SRBD1: variants seen among roughly 807,000 people sequenced by gnomAD.
SRBD1 encodes S1 RNA-binding domain-containing protein 1.
SRBD1 carries 88 observed loss-of-function variants against 115.3 expected under a neutral mutation model. The observed-to-expected ratio is 0.76, with a 90% CI of 0.64 to 0.91. The LOEUF is 0.91. Ranked by LOEUF, SRBD1 falls within the 40% of genes least tolerant of loss-of-function variation. The probability of loss-of-function intolerance (pLI) is 0.00; values close to 1 mark genes in which losing one functional copy is unlikely to be tolerated. For synonymous variants in SRBD1, 509 were observed against 407.7 expected (o/e 1.25, Z -2.99); for missense variants, 1,385 against 1,177.4 (o/e 1.18, Z -2.58).
intron 12 of SRBD1, 29 bp downstream of exon 12, chr2:45,551,096 T>G (rs772529539): frequency 6.4e-7 from 1 of 1,567,454 alleles, no homozygotes; most frequent in Non-Finnish European, 8.6e-7. Context: ...CCAAACAACT[T>G]TTACATGGAA....
chr2:45,462,277 A>G (rs1197914237), intron 16 of SRBD1, among the ~76,000 whole-genome samples: 1 of 152,166 alleles, frequency 6.6e-6, no homozygotes, highest in African/African-American at 2.4e-5. Flanking sequence ...TGTTTTAATA[A>G]AAGTAATAAA....
At chr2:45,422,645 T>C (rs758712298) in intron 16 of SRBD1, among the ~76,000 whole-genome samples, 7 of 152,172 alleles carry the variant, frequency 4.6e-5, no homozygotes, top group Non-Finnish European at 1.0e-4. Flanking sequence ...GATAACTCAT[T>C]TGATCTTCTG....
chr2:45,407,957 T>A (rs1171406714), intron 19 of SRBD1, among the ~76,000 whole-genome samples: 1 of 152,088 alleles, frequency 6.6e-6, no homozygotes, highest in Non-Finnish European at 1.5e-5. Flanking sequence ...AATATCATAA[T>A]CTCAATTTTC....
chr2:45,477,310 G>A (rs1180291612), intron 15 of SRBD1, among the ~76,000 whole-genome samples: 1 of 152,062 alleles, frequency 6.6e-6, no homozygotes, highest in South Asian at 2.1e-4. Flanking sequence ...ACACAAAGTA[G>A]TTTGACAGGA....
intron 20 of SRBD1, among the ~76,000 whole-genome samples, chr2:45,391,964 A>C (rs1189147481): frequency 6.6e-6 from 1 of 152,188 alleles, no homozygotes; most frequent in Non-Finnish European, 1.5e-5. Context: ...CTCCTGCTAA[A>C]AACCAGCCCA....
intron 16 of SRBD1, among the ~76,000 whole-genome samples, chr2:45,437,357 T>TAAAA (rs144108756): frequency 3.0e-4 from 40 of 133,970 alleles, no homozygotes; most frequent in African/African-American, 1.1e-3. Flanking sequence ...AGTATTGGTT[T>TAAAA]AAAAAAAAAA....
Position 45,449,964 on chromosome 2 carries a change from G to T in SRBD1, c.2049+27029C>A, listed in dbSNP as rs571554542. On this transcript the variant is annotated intron_variant, in intron 16 of 20. Coordinates refer to ENST00000263736, the MANE Select transcript of SRBD1 (RefSeq NM_018079.5). ...GTATGTCACAGCCCTCTCTCTTAAGGCAGGTGAAACCAGGTATCACATACA... is the reference window on the plus strand; with the variant it reads ...GTATGTCACAGCCCTCTCTCTTAAGTCAGGTGAAACCAGGTATCACATACA... Among the ~76,000 whole-genome samples, 37 of 152,210 alleles carry T rather than the reference G, an allele frequency of 2.4e-4. No homozygotes were observed. The East Asian group carries it at 5.6e-3, about 23-fold the overall frequency.
intron 14 of SRBD1, among the ~76,000 whole-genome samples, chr2:45,518,962 G>T (rs1413593405): frequency 2.9e-5 from 4 of 136,544 alleles, no homozygotes; most frequent in Non-Finnish European, 6.2e-5. Context: ...AACGAATAAG[G>T]CTAAAAAAAA....
chr2:45,541,557 C>T (rs1005230936), intron 14 of SRBD1, among the ~76,000 whole-genome samples: 2 of 152,254 alleles, frequency 1.3e-5, no homozygotes, highest in African/African-American at 4.8e-5. Flanking sequence ...GAACAGCTCT[C>T]AGAAGACCCA....
At chr2:45,441,794 C>T (rs190986672) in intron 16 of SRBD1, among the ~76,000 whole-genome samples, 1 of 152,252 alleles carries the variant, frequency 6.6e-6, no homozygotes, top group Admixed American at 6.5e-5. Flanking sequence ...ATTATAGAAA[C>T]GCTTTCTTAG....
At chr2:45,537,683 G>A (rs1671807021) in intron 14 of SRBD1, among the ~76,000 whole-genome samples, 3 of 152,112 alleles carry the variant, frequency 2.0e-5, no homozygotes, top group Non-Finnish European at 4.4e-5. Flanking sequence ...AGATGATTGG[G>A]ATGCTATGCC....
chr2:45,481,304 C>A (rs935605683), intron 15 of SRBD1, among the ~76,000 whole-genome samples: 1 of 151,974 alleles, frequency 6.6e-6, no homozygotes, highest in Non-Finnish European at 1.5e-5. Context: ...ATCAAGAATG[C>A]GTTATTTAGT....
At chr2:45,486,721 A>AC (rs1326225001) in intron 15 of SRBD1, among the ~76,000 whole-genome samples, 1 of 151,392 alleles carries the variant, frequency 6.6e-6, no homozygotes, top group Non-Finnish European at 1.5e-5. Flanking sequence ...TGACAGCGAG[A>AC]CCCCATCTCA....
intron 16 of SRBD1, among the ~76,000 whole-genome samples, chr2:45,473,669 G>A (rs1284654947): frequency 6.6e-6 from 1 of 151,888 alleles, no homozygotes; most frequent in Admixed American, 6.6e-5. Flanking sequence ...TCAATAATAG[G>A]ACTGTTGTCA....
At chr2:45,596,950 ACCCACAACCCTAACACACACACC>A (rs1488296948) in intron 4 of SRBD1, among the ~76,000 whole-genome samples, 5 of 145,640 alleles carry the variant, frequency 3.4e-5, no homozygotes, top group African/African-American at 7.7e-5. Flanking sequence ...ACACACACAC[ACCCACAACCCTAACACACACACC>A]CACACCCACA....
In SRBD1 at chr2:45,585,630, G is replaced by T; in HGVS notation, c.793C>A (p.Gln265Lys). The T allele has an allele frequency of 6.2e-7, 1 of 1,610,732 alleles. No individual in the cohort carries two copies. Among genetic ancestry groups the T allele is most frequent in the South Asian group, 1.1e-5 (1 of 90,334 alleles). The change falls in exon 5 of 21, where the codon CAG (glutamine) becomes AAG (lysine). Residue 265 changes from glutamine (Q) to lysine (K), a missense_variant. Gln to Lys is a moderately conservative substitution (Grantham distance 53). Coordinates refer to ENST00000263736, the MANE Select transcript of SRBD1 (RefSeq NM_018079.5). The stretch of plus-strand genomic sequence containing the variant: ...TACCGTAGCTCTTCTAGGGTTTGCT[G>T]AACTTCTCTCAAGGAATCAGCATCA... ...NLDADSLREV[Q>K]QTLEELRAVA...
At chr2:45,450,532 T>C (rs1284717026) in intron 16 of SRBD1, among the ~76,000 whole-genome samples, 2 of 152,206 alleles carry the variant, frequency 1.3e-5, no homozygotes, top group Admixed American at 6.5e-5. Context: ...TAACATTAGT[T>C]ATCAATTAAG....
intron 16 of SRBD1, among the ~76,000 whole-genome samples, chr2:45,457,406 G>A (rs1194463621): frequency 2.0e-5 from 3 of 151,896 alleles, no homozygotes; most frequent in African/African-American, 7.2e-5. Flanking sequence ...GCACTACTAG[G>A]ACAACAGATT....
chr2:45,503,321 G>C (rs1670694075), intron 14 of SRBD1, among the ~76,000 whole-genome samples: 1 of 152,134 alleles, frequency 6.6e-6, no homozygotes, highest in Admixed American at 6.5e-5. Flanking sequence ...AGACTGGATG[G>C]AGTGTTCATA....
Sources: allele counts gnomAD v4.1 joint callset (sites outside exome capture counted in the v4.1 genomes callset), GRCh38; gene constraint gnomAD v4.1.1; transcripts MANE v1.5; gene names NCBI Gene and HGNC (gene_info 2026-07-23, HGNC 2026-07-21).